The following TMEM87A variants were observed in gnomAD, a reference collection of about 807,000 sequenced individuals.
The protein encoded by TMEM87A is transmembrane protein 87A.
Under a neutral mutation model 90.0 loss-of-function variants are expected in TMEM87A, and 50 were observed. That is an observed-to-expected ratio of 0.56 (90% CI 0.44 to 0.70). The LOEUF (loss-of-function observed/expected upper bound fraction) is 0.70. TMEM87A is among the 30% of genes least tolerant of loss of function. The probability of loss-of-function intolerance (pLI) is 0.00; values close to 1 mark genes in which losing one functional copy is unlikely to be tolerated. For missense variants in TMEM87A, 577 were observed against 660.5 expected, an observed-to-expected ratio of 0.87 and a Z score of 1.39; for synonymous variants, 226 against 226.7, an observed-to-expected ratio of 1.00 and a Z score of 0.03.
At position 42,233,240 on chromosome 15, in the gene TMEM87A, G is replaced by A. The variant is rs775558409; in HGVS notation, c.1035C>T (p.Gly345=). 4.3e-6 allele frequency: 7 copies of A among 1,613,938 alleles called. No individual in the cohort carries two copies. The highest frequency in any genetic ancestry group is 5.9e-6 in the Non-Finnish European group (7 of 1,179,956). Residue 345 remains glycine, a synonymous_variant, in exon 11 of 20, where the codon GGC becomes GGT. Transcript: ENST00000389834. ...VAGALYLLFS[G]MEGVLRVTGA... is the part of the protein sequence containing the mutation. ...CAGTAACTCTGAGGACCCCTTCCAT[G>A]CCAGAGAACAAAAGATAGAGGGCTC...
intron 7 of TMEM87A, among the ~76,000 whole-genome samples, chr15:42,242,516 G>C (rs1033957920): frequency 1.4e-5 from 1 of 70,554 alleles, no homozygotes; most frequent in Non-Finnish European, 5.8e-5. Flanking sequence ...TATGAGTGAG[G>C]GGGAGAGGGA....
chr15:42,226,886 G>A lies in TMEM87A; in HGVS notation c.1323C>T (p.Asp441=), dbSNP rs756184652. The A allele has an allele frequency of 8.1e-6, 13 of 1,614,066 alleles. No homozygotes were observed. The highest frequency in any genetic ancestry group is 4.5e-5 in the East Asian group (2 of 44,888). Reference sequence around the variant, plus strand: ...AGAACAGCAAGCGCCAGATGGCATCGTCTACCCACAGCTCCCGCCAGTCCT... The same window carrying A: ...AGAACAGCAAGCGCCAGATGGCATCATCTACCCACAGCTCCCGCCAGTCCT... ...CQSDWRELWV[D]DAIWRLLFSM... The change falls in exon 15 of 20, where the codon GAC becomes GAT. Residue 441 remains aspartate, a synonymous_variant. Transcript: ENST00000389834.
At chr15:42,261,836 G>A (rs1430561541) in intron 4 of TMEM87A, among the ~76,000 whole-genome samples, 6 of 151,912 alleles carry the variant, frequency 3.9e-5, no homozygotes, top group South Asian at 2.1e-4. Context: ...GGGTTTCACC[G>A]TGTTAGCCAG....
chr15:42,256,621 T>C (rs994130461), intron 6 of TMEM87A, among the ~76,000 whole-genome samples: 1 of 152,198 alleles, frequency 6.6e-6, no homozygotes, highest in Non-Finnish European at 1.5e-5. Context: ...GACTCAAGCC[T>C]TGAGTAGAAC....
At chr15:42,240,695 G>A (rs1330385062) in intron 7 of TMEM87A, among the ~76,000 whole-genome samples, 1 of 152,074 alleles carries the variant, frequency 6.6e-6, no homozygotes, top group African/African-American at 2.4e-5. Context: ...ATAAAAATCT[G>A]ACTTGAGTGG....
intron 19 of TMEM87A, among the ~76,000 whole-genome samples, chr15:42,216,153 T>C (rs1037581035): frequency 5.3e-5 from 8 of 152,222 alleles, no homozygotes; most frequent in African/African-American, 1.9e-4. Flanking sequence ...AAATGCTGCA[T>C]GATTCCACTT....
intron 6 of TMEM87A, among the ~76,000 whole-genome samples, chr15:42,250,721 G>A (rs1252754773): frequency 6.6e-6 from 1 of 151,974 alleles, no homozygotes; most frequent in Non-Finnish European, 1.5e-5. Context: ...GTGTCTTGGG[G>A]TTGCTCTTCT....
chr15:42,212,507 G>A lies in TMEM87A; in HGVS notation c.1627-758C>T, dbSNP rs535669907. Among the ~76,000 whole-genome samples, 4 of 152,196 alleles carry A rather than the reference G, an allele frequency of 2.6e-5. No homozygotes were observed. In the South Asian group the frequency reaches 8.3e-4, roughly 32 times the overall value. Reference sequence around the variant, plus strand: ...CTCCATCCAAGCCTGGTGCCCAGCTGCCAACCTGAGAATTTCTTACATCAT... The same window carrying A: ...CTCCATCCAAGCCTGGTGCCCAGCTACCAACCTGAGAATTTCTTACATCAT... On this transcript the variant is annotated intron_variant, in intron 19 of 19. Coordinates refer to ENST00000389834, the MANE Select transcript of TMEM87A (RefSeq NM_015497.5).
chr15:42,212,817 T>C (rs1273248512), intron 19 of TMEM87A, among the ~76,000 whole-genome samples: 1 of 152,236 alleles, frequency 6.6e-6, no homozygotes, highest in Admixed American at 6.5e-5. Flanking sequence ...TTATGCCATT[T>C]TGATTCCTGG....
chr15:42,226,661 G>A, intron 15 of TMEM87A, 145 bp downstream of exon 15: 1 of 699,740 alleles, frequency 1.4e-6, no homozygotes, highest in Admixed American at 2.4e-5. Flanking sequence ...GAGGAGAGCT[G>A]AGATAGGAAC....
intron 7 of TMEM87A, among the ~76,000 whole-genome samples, chr15:42,242,156 A>G (rs1006981377): frequency 2.4e-4 from 37 of 152,268 alleles, no homozygotes; most frequent in Non-Finnish European, 2.4e-4. Flanking sequence ...GAATCAAAAC[A>G]GAAACTCAAA....
intron 19 of TMEM87A, among the ~76,000 whole-genome samples, chr15:42,215,441 A>G (rs1043278415): frequency 6.6e-6 from 1 of 152,172 alleles, no homozygotes; most frequent in African/African-American, 2.4e-5. Flanking sequence ...TTCTTATGGG[A>G]CCACTGTCAT....
intron 12 of TMEM87A, 21 bp from the exon 13 acceptor site, chr15:42,228,841 T>C (rs777125473): frequency 4.0e-5 from 61 of 1,527,484 alleles, no homozygotes; most frequent in Non-Finnish European, 5.4e-5. Context: ...GTCAAGGAAT[T>C]CAACATTCAG....
chr15:42,237,709 T>TA (rs2050799188), intron 8 of TMEM87A, 94 bp from the exon 9 acceptor site: 13 of 1,127,556 alleles, frequency 1.2e-5, no homozygotes, highest in African/African-American at 1.6e-5. Flanking sequence ...TTTTTTTTTT[T>TA]AAGAGATGGG....
intron 3 of TMEM87A, among the ~76,000 whole-genome samples, chr15:42,267,641 C>T (rs914153200): frequency 1.3e-5 from 2 of 152,106 alleles, no homozygotes; most frequent in African/African-American, 4.8e-5. Flanking sequence ...TATTAACATG[C>T]AATAAGTTTA....
intron 6 of TMEM87A, among the ~76,000 whole-genome samples, chr15:42,247,205 G>A (rs1443074479): frequency 1.3e-5 from 2 of 152,166 alleles, no homozygotes; most frequent in East Asian, 3.8e-4. Context: ...TTTGTCGGAT[G>A]GGTGAATTGT....
chr15:42,237,469 A>G lies in TMEM87A; in HGVS notation c.831T>C (p.Tyr277=), dbSNP rs1277295022. ...TGTATCGGATATTCTGAAATTCCGC[A>G]TAGAAGACAGCTTTCTCAAGCATTC... ...FLGMLEKAVF[Y]AEFQNIRYKG... The change falls in exon 9 of 20, where the codon TAT becomes TAC. Residue 277 remains tyrosine (Y), a synonymous_variant. Transcript: ENST00000389834. 14 of 1,613,966 alleles carry G rather than the reference A, an allele frequency of 8.7e-6. No individual in the cohort carries two copies. Among genetic ancestry groups the G allele is most frequent in the Admixed American group, 1.7e-5 (1 of 59,988 alleles).
chr15:42,261,864 G>A (rs1385436246), intron 4 of TMEM87A, among the ~76,000 whole-genome samples: 1 of 152,140 alleles, frequency 6.6e-6, no homozygotes, highest in Non-Finnish European at 1.5e-5. Flanking sequence ...TCAATCTCCT[G>A]ACCTCATGAT....
chr15:42,235,717 C>T (rs2050757617), intron 10 of TMEM87A, among the ~76,000 whole-genome samples: 2 of 152,162 alleles, frequency 1.3e-5, no homozygotes, highest in Non-Finnish European at 2.9e-5. Context: ...TTAAGTGAAG[C>T]CCTCCTTGAT....
Sources: gnomAD v4.1 joint callset for allele counts (sites outside exome capture counted in the v4.1 genomes callset) on GRCh38, gnomAD v4.1.1 for gene constraint, MANE v1.5 for transcripts, NCBI Gene and HGNC (gene_info 2026-07-23, HGNC 2026-07-21) for gene names.